The following GHRH variants were observed in gnomAD, a reference collection of about 807,000 sequenced individuals.
GHRH encodes growth hormone releasing hormone.
Under a neutral mutation model 15.6 loss-of-function variants are expected in GHRH, and 7 were observed. The observed-to-expected ratio is 0.45, with a 90% CI of 0.26 to 0.84. GHRH has a LOEUF of 0.84. Ranked by LOEUF, GHRH falls within the 40% of genes least tolerant of loss-of-function variation. GHRH has a pLI of 0.18. For synonymous variants in GHRH, 54 were observed against 50.4 expected (o/e 1.07, Z -0.30); for missense variants, 117 against 138.0 (o/e 0.85, Z 0.76).
At chr20:37,260,370 C>G (rs2068681155) in intron 1 of GHRH, among the ~76,000 whole-genome samples, 1 of 150,398 alleles carries the variant, frequency 6.6e-6, no homozygotes, top group African/African-American at 2.5e-5. Flanking sequence ...TAGCTCCAGC[C>G]TGAGCAACAT....
At chr20:37,253,456 G>T (rs16986520) in intron 4 of GHRH, among the ~76,000 whole-genome samples, 2 of 152,186 alleles carry the variant, frequency 1.3e-5, no homozygotes, top group Non-Finnish European at 2.9e-5. Context: ...TTTCTGGGTC[G>T]TATCACGGAA....
chr20:37,254,497 T>A (rs1166204072), intron 3 of GHRH, among the ~76,000 whole-genome samples, 168 bp from the exon 4 acceptor site: 1 of 152,140 alleles, frequency 6.6e-6, no homozygotes, highest in African/African-American at 2.4e-5. Flanking sequence ...AGCACAGAAG[T>A]ACAAGTGTAC....
At chr20:37,259,075 A>G (rs191252746) in intron 1 of GHRH, among the ~76,000 whole-genome samples, 49 of 152,246 alleles carry the variant, frequency 3.2e-4, no homozygotes, top group African/African-American at 1.1e-3. Context: ...TTGTCTCACC[A>G]TGTCAAGCCC....
intron 4 of GHRH, among the ~76,000 whole-genome samples, 177 bp downstream of exon 4, chr20:37,254,033 G>A (rs927056921): frequency 2.0e-5 from 3 of 152,346 alleles, no homozygotes; most frequent in Non-Finnish European, 2.9e-5. Context: ...TTACAGGTGA[G>A]CCACCATACC....
intron 1 of GHRH, among the ~76,000 whole-genome samples, chr20:37,259,531 C>T (rs1383916095): frequency 2.0e-5 from 3 of 152,130 alleles, no homozygotes; most frequent in Non-Finnish European, 4.4e-5. Context: ...TCCCCAATCA[C>T]CTCCCTCCCC....
intron 4 of GHRH, among the ~76,000 whole-genome samples, chr20:37,252,111 C>T (rs1270640112): frequency 6.6e-6 from 1 of 152,216 alleles, no homozygotes; most frequent in Non-Finnish European, 1.5e-5. Context: ...CAGAGGAGGC[C>T]TTCTTCTTAG....
chr20:37,256,363 G>A lies in GHRH; in HGVS notation c.188+31C>T, dbSNP rs754464713. 7.7e-6 allele frequency: 11 copies of A among 1,420,976 alleles called. No individual in the cohort carries two copies. In the South Asian group the frequency reaches 1.3e-4, roughly 17 times the overall value. The allele number at this position is 1,420,976 out of a possible 1,614,324, so 88.0% of individuals were successfully genotyped here. A position where few individuals can be genotyped will look rare whatever the true frequency, so the allele number is the denominator to read the frequency against. The stretch of plus-strand genomic sequence containing the variant: ...GCTCCTGCAGACTCTGCTGCAGGGT[G>A]TGGGAAGAAATCACTAGAACTCCTG... On this transcript the variant is annotated intron_variant, in intron 3 of 4. Coordinates refer to ENST00000373614, the MANE Select transcript of GHRH (RefSeq NM_021081.6).
Position 37,254,293 on chromosome 20 carries a change from A to G in GHRH, c.225T>C (p.Leu75=), listed in dbSNP as rs2068642781. Reference sequence around the variant, plus strand: ...CCCACATGCTGTCTACCTGACGACCAAGCCGTGCCCTTGCTCCTCGCTCTT... The same window carrying G: ...CCCACATGCTGTCTACCTGACGACCGAGCCGTGCCCTTGCTCCTCGCTCTT... ...SNQERGARAR[L]GRQVDSMWAE... Residue 75 remains leucine, a synonymous_variant, in exon 4 of 5, where the codon CTT becomes CTC. Transcript: ENST00000373614. 6.2e-7 allele frequency: 1 copy of G among 1,613,958 alleles called. No homozygotes were observed. The highest frequency in any genetic ancestry group is 8.5e-7 in the Non-Finnish European group (1 of 1,179,978).
chr20:37,258,458 C>T lies in GHRH; in HGVS notation c.-19-1550G>A, dbSNP rs1231796524. ...CTCTCCCGGCCCTCTCAGGGTATCA[C>T]CCTCCTTTCTGAAGGCACTGAAGTC... is the stretch of plus-strand genomic sequence containing the variant. On this transcript the variant is annotated intron_variant, in intron 1 of 4. Coordinates refer to ENST00000373614, the MANE Select transcript of GHRH (RefSeq NM_021081.6). The surrounding 1 kb of genome is among the most constrained non-coding windows in gnomAD (Gnocchi z 4.1). Among the ~76,000 whole-genome samples the T allele has an allele frequency of 1.3e-5, 2 of 152,206 alleles. No individual in the cohort carries two copies. The highest frequency in any genetic ancestry group is 2.9e-5 in the Non-Finnish European group (2 of 68,036).
At chr20:37,256,680 G>A (rs533798214) in intron 2 of GHRH, 127 bp downstream of exon 2, 7 of 792,342 alleles carry the variant, frequency 8.8e-6, no homozygotes, top group South Asian at 3.4e-5. Context: ...CTGCAAGGAC[G>A]GGCAGTGGGT....
In GHRH at chr20:37,254,480, A is replaced by G. The variant is rs1263004081; in HGVS notation, c.189-151T>C. The G allele has an allele frequency of 1.3e-5, 10 of 765,238 alleles. No homozygotes were observed. The East Asian group carries it at 2.4e-4, about 19-fold the overall frequency. The allele number at this position is 765,238 out of a possible 1,614,324, so 47.4% of individuals were successfully genotyped here. ...CACTTAGGGAGGCAGTATATATAGTAATGAAGAGCACAGAAGTACAAGTGT... is the reference window on the plus strand; with the variant it reads ...CACTTAGGGAGGCAGTATATATAGTGATGAAGAGCACAGAAGTACAAGTGT... On this transcript the variant is annotated intron_variant, in intron 3 of 4. Transcript: ENST00000373614.
At position 37,258,889 on chromosome 20, in the gene GHRH, G is replaced by A. The variant is rs1009234800; in HGVS notation, c.-19-1981C>T. Among the ~76,000 whole-genome samples the A allele has an allele frequency of 6.6e-6, 1 of 152,168 alleles. No homozygotes were observed. Among genetic ancestry groups the A allele is most frequent in the Admixed American group, 6.5e-5 (1 of 15,276 alleles). On this transcript the variant is annotated intron_variant, in intron 1 of 4. Coordinates refer to ENST00000373614, the MANE Select transcript of GHRH (RefSeq NM_021081.6). This position sits in a 1 kb window ranked among gnomAD's most constrained non-coding sequence, Gnocchi z 4.1. ...TGAGTAGCTGGGACAGCAGGCATGT[G>A]CCATCATGCCCAGCTAATTTTGAAA...
intron 1 of GHRH, among the ~76,000 whole-genome samples, chr20:37,259,558 G>C (rs1316476310): frequency 6.6e-6 from 1 of 152,024 alleles, no homozygotes; most frequent in African/African-American, 2.4e-5. Context: ...GAAGCCCTTG[G>C]CTCCCCACTC....
chr20:37,261,707 C>A (rs1170780490), intron 1 of GHRH, 36 bp downstream of exon 1: 1 of 152,306 alleles, frequency 6.6e-6, no homozygotes, highest in Non-Finnish European at 1.5e-5. Context: ...TTCTTACCCC[C>A]ACCCAGCCTA....
At chr20:37,257,043 C>A in intron 1 of GHRH, 135 bp from the exon 2 acceptor site, 2 of 642,812 alleles carry the variant, frequency 3.1e-6, no homozygotes, top group South Asian at 1.7e-5. Context: ...GGAAAAAGAA[C>A]CCAGACACTG....
At chr20:37,259,989 C>A (rs2068679181) in intron 1 of GHRH, among the ~76,000 whole-genome samples, 1 of 152,158 alleles carries the variant, frequency 6.6e-6, no homozygotes, top group African/African-American at 2.4e-5. Flanking sequence ...GTTGTTGGGC[C>A]TCTGGGGAAG....
At chr20:37,261,511 C>T (rs535618796) in intron 1 of GHRH, among the ~76,000 whole-genome samples, 1 of 152,214 alleles carries the variant, frequency 6.6e-6, no homozygotes, top group Admixed American at 6.5e-5. Context: ...CACCTGGAGC[C>T]AGTCCGCCAC....
chr20:37,261,396 G>T (rs1306976047), intron 1 of GHRH, among the ~76,000 whole-genome samples: 1 of 152,176 alleles, frequency 6.6e-6, no homozygotes, highest in Admixed American at 6.5e-5. Context: ...CTGATCCATG[G>T]CAGAATCCCA....
chr20:37,256,238 G>T (rs561326410), intron 3 of GHRH, among the ~76,000 whole-genome samples, 156 bp downstream of exon 3: 25 of 152,280 alleles, frequency 1.6e-4, no homozygotes, highest in African/African-American at 5.3e-4. Context: ...GTAAGTTGAG[G>T]TTTAACGCTG....
Sources: gnomAD v4.1 joint callset for allele counts (sites outside exome capture counted in the v4.1 genomes callset) on GRCh38, gnomAD v4.1.1 for gene constraint, Gnocchi (gnomAD v3.1) non-coding constraint, MANE v1.5 for transcripts, NCBI Gene and HGNC (gene_info 2026-07-23, HGNC 2026-07-21) for gene names.